CSMD3: variants seen among roughly 807,000 people sequenced by gnomAD.
The protein encoded by CSMD3 is CUB and Sushi multiple domains 3, also known as CUB and sushi domain-containing protein 3.
A neutral mutation model predicts 435.2 loss-of-function variants in CSMD3; 177 were observed. The ratio of observed to expected loss-of-function variants is 0.41; its 90% CI spans 0.36 to 0.46. The LOEUF (loss-of-function observed/expected upper bound fraction) is 0.46. CSMD3 is among the 20% of genes least tolerant of loss of function. The pLI is 0.34. For synonymous variants in CSMD3, 1,656 were observed against 1,520.5 expected (o/e 1.09, Z -2.07); for missense variants, 4,265 against 4,504.6 (o/e 0.95, Z 1.52).
At chr8:112,498,665 A>G (rs1821617844) in intron 30 of CSMD3, among the ~76,000 whole-genome samples, 1 of 152,146 alleles carries the variant, frequency 6.6e-6, no homozygotes. Flanking sequence ...ATACTAATTT[A>G]CAGTAGAACC....
chr8:113,207,517 G>A (rs1342368971), intron 3 of CSMD3, among the ~76,000 whole-genome samples: 1 of 151,532 alleles, frequency 6.6e-6, no homozygotes, highest in Non-Finnish European at 1.5e-5. Context: ...CAAGTAGCTG[G>A]GATTACAGGC....
chr8:112,507,505 A>T (rs1420982956), intron 28 of CSMD3, among the ~76,000 whole-genome samples: 1 of 152,216 alleles, frequency 6.6e-6, no homozygotes, highest in African/African-American at 2.4e-5. Context: ...AGTGGGAAAT[A>T]CAAATAAATA....
At chr8:113,015,967 T>TA (rs1564210680) in intron 6 of CSMD3, among the ~76,000 whole-genome samples, 1 of 151,848 alleles carries the variant, frequency 6.6e-6, no homozygotes, top group African/African-American at 2.4e-5. Context: ...TTCTCATTAA[T>TA]AGAGGGTTAA....
At chr8:112,469,501 G>A (rs549875356) in intron 32 of CSMD3, among the ~76,000 whole-genome samples, 2 of 152,252 alleles carry the variant, frequency 1.3e-5, no homozygotes, top group African/African-American at 2.4e-5. Context: ...TTTTTGGCAC[G>A]AGGGACAGGT....
intron 3 of CSMD3, among the ~76,000 whole-genome samples, chr8:113,227,698 A>C (rs2093043018): frequency 6.6e-6 from 1 of 151,764 alleles, no homozygotes; most frequent in South Asian, 2.1e-4. Context: ...CTTGTGAAGA[A>C]GATGCTTGCT....
chr8:113,432,110 T>C (rs1168806084), intron 1 of CSMD3, among the ~76,000 whole-genome samples: 2 of 152,178 alleles, frequency 1.3e-5, no homozygotes, highest in African/African-American at 2.4e-5. Context: ...TCTGCTCACA[T>C]ACTCTTCCAA....
At chr8:112,648,072 C>T (rs904410226) in intron 19 of CSMD3, among the ~76,000 whole-genome samples, 1 of 152,130 alleles carries the variant, frequency 6.6e-6, no homozygotes, top group African/African-American at 2.4e-5. Flanking sequence ...GAGTGAAGCA[C>T]ACTGTACACA....
chr8:113,008,774 T>A (rs927116751), intron 6 of CSMD3, among the ~76,000 whole-genome samples: 1 of 151,448 alleles, frequency 6.6e-6, no homozygotes, highest in African/African-American at 2.4e-5. Context: ...TGTTTGAATA[T>A]TTTATGAGAA....
At chr8:113,417,304 T>G (rs903169470) in intron 1 of CSMD3, among the ~76,000 whole-genome samples, 1 of 151,984 alleles carries the variant, frequency 6.6e-6, no homozygotes, top group Non-Finnish European at 1.5e-5. Flanking sequence ...CAAACAATGA[T>G]GTAGAAAAGC....
At chr8:112,364,016 T>C (rs1827511830) in intron 38 of CSMD3, among the ~76,000 whole-genome samples, 1 of 151,976 alleles carries the variant, frequency 6.6e-6, no homozygotes, top group Admixed American at 6.6e-5. Context: ...AATAATCAAT[T>C]ATATAATTAG....
chr8:112,947,926 G>T (rs1375035653), intron 8 of CSMD3, 49 bp from the exon 9 acceptor site: 1 of 772,484 alleles, frequency 1.3e-6, no homozygotes, highest in East Asian at 2.5e-5. Flanking sequence ...TATGTGATTA[G>T]AAAATCGATG....
chr8:112,792,064 T>C (rs1452031656), intron 13 of CSMD3, among the ~76,000 whole-genome samples: 1 of 152,226 alleles, frequency 6.6e-6, no homozygotes, highest in Non-Finnish European at 1.5e-5. Flanking sequence ...TTGGTTTGTT[T>C]GCTTTATTCT....
chr8:112,934,558 TATC>T (rs1194452615), intron 9 of CSMD3, among the ~76,000 whole-genome samples: 17 of 152,236 alleles, frequency 1.1e-4, no homozygotes, highest in African/African-American at 3.6e-4. Flanking sequence ...GAAAAGCAAA[TATC>T]ATACCATTTT....
intron 5 of CSMD3, among the ~76,000 whole-genome samples, chr8:113,055,213 T>C (rs10092450): frequency 0.67 from 101,808 of 151,964 alleles, 35,655 homozygotes; most frequent in East Asian, 0.95. Context: ...TGCAGTGGCG[T>C]GATCTCGACT....
chr8:112,741,794 A>AAGATAGATAGATAGATAGAT (rs3039663), intron 13 of CSMD3, among the ~76,000 whole-genome samples: 2,435 of 149,454 alleles, frequency 0.016, 23 homozygotes, highest in East Asian at 0.026. Context: ...AGATAGAGAG[A>AAGATAGATAGATAGATAGAT]AGATAGATAG....
intron 3 of CSMD3, among the ~76,000 whole-genome samples, chr8:113,245,534 T>C (rs1394521302): frequency 6.6e-6 from 1 of 152,062 alleles, no homozygotes; most frequent in Non-Finnish European, 1.5e-5. Context: ...ATATATGCCA[T>C]CTTCTCCAAC....
chr8:112,636,180 T>C (rs927480582), intron 22 of CSMD3, among the ~76,000 whole-genome samples: 9 of 152,120 alleles, frequency 5.9e-5, no homozygotes, highest in Non-Finnish European at 7.4e-5. Flanking sequence ...AAATATTTAC[T>C]TCCAAAGATT....
At chr8:112,413,240 T>C (rs376562374) in intron 32 of CSMD3, among the ~76,000 whole-genome samples, 19 of 152,336 alleles carry the variant, frequency 1.2e-4, no homozygotes, top group Middle Eastern at 3.4e-3. Flanking sequence ...AGTGTATCTA[T>C]CTACTCTTTC....
intron 2 of CSMD3, among the ~76,000 whole-genome samples, chr8:113,305,699 C>G (rs1308340593): frequency 6.6e-6 from 1 of 152,160 alleles, no homozygotes; most frequent in Non-Finnish European, 1.5e-5. Flanking sequence ...TTGAAAGAGC[C>G]TTTTATGTTG....
Sources: allele counts gnomAD v4.1 joint callset (sites outside exome capture counted in the v4.1 genomes callset), GRCh38; gene constraint gnomAD v4.1.1; transcripts MANE v1.5; gene names NCBI Gene and HGNC (gene_info 2026-07-23, HGNC 2026-07-21).